The following SUGCT variants were observed in gnomAD, a reference collection of about 807,000 sequenced individuals.
SUGCT encodes the protein succinyl-CoA:glutarate-CoA transferase.
SUGCT carries 41 observed loss-of-function variants against 55.0 expected under a neutral mutation model. That is an observed-to-expected ratio of 0.74 (90% CI 0.58 to 0.97). SUGCT has a LOEUF of 0.97. Ranked by LOEUF, SUGCT falls within the 50% of genes least tolerant of loss-of-function variation. SUGCT has a pLI of 0.00. For synonymous variants in SUGCT, 187 were observed against 200.4 expected (o/e 0.93, Z 0.56); for missense variants, 568 against 547.8 (o/e 1.04, Z -0.37).
intron 12 of SUGCT, among the ~76,000 whole-genome samples, chr7:40,605,730 T>C (rs1396101903): frequency 1.3e-5 from 2 of 152,024 alleles, no homozygotes; most frequent in Non-Finnish European, 2.9e-5. Context: ...TATGAAGGGG[T>C]AGGAGTTAGG....
intron 1 of SUGCT, among the ~76,000 whole-genome samples, chr7:40,164,338 C>T (rs1021237587): frequency 2.0e-5 from 3 of 152,124 alleles, no homozygotes; most frequent in African/African-American, 7.2e-5. Context: ...CCATATTGGC[C>T]AAGCTGGTCT....
At chr7:40,174,409 C>T (rs528160423) in intron 1 of SUGCT, among the ~76,000 whole-genome samples, 1 of 152,174 alleles carries the variant, frequency 6.6e-6, no homozygotes, top group East Asian at 1.9e-4. Context: ...ACAAGCATGC[C>T]ACCACACCTG....
chr7:40,854,484 CTCTT>C lies in SUGCT; in HGVS notation c.1154-5815_1154-5812del, dbSNP rs150153135. Among the ~76,000 whole-genome samples, 984 of 104,638 alleles carry C rather than the reference CTCTT, an allele frequency of 9.4e-3. 7 individuals carry two copies. The highest frequency in any genetic ancestry group is 0.035 in the African/African-American group (908 of 26,268). 68.6% of individuals were successfully genotyped at this position (104,638 alleles called of 152,430 possible). On this transcript the variant is annotated intron_variant, in intron 13 of 13. Coordinates refer to ENST00000335693, the MANE Select transcript of SUGCT (RefSeq NM_001193313.2). ...TCTTTCTTTCTTTCTTTCTCTTTCT[CTCTT>C]TCTTTCTTTCTTTCTTGTCCATTGG...
intron 13 of SUGCT, among the ~76,000 whole-genome samples, chr7:40,832,103 C>G (rs1379065824): frequency 6.6e-6 from 1 of 152,116 alleles, no homozygotes; most frequent in African/African-American, 2.4e-5. Flanking sequence ...AGGGGCCGTG[C>G]ATGCAAATGT....
chr7:40,935,322 T>C, the SUGCT span, among the ~76,000 whole-genome samples: 2 of 151,644 alleles, frequency 1.3e-5, no homozygotes, highest in Non-Finnish European at 2.9e-5. Flanking sequence ...TACAAAGTTG[T>C]GCAACCATCA....
At chr7:40,520,949 C>T (rs1291765100) in intron 12 of SUGCT, among the ~76,000 whole-genome samples, 3 of 152,024 alleles carry the variant, frequency 2.0e-5, no homozygotes, top group African/African-American at 4.8e-5. Context: ...AATAATATTT[C>T]AACTCAAAAC....
chr7:40,309,698 C>G (rs867776672), intron 8 of SUGCT, among the ~76,000 whole-genome samples: 10 of 151,934 alleles, frequency 6.6e-5, no homozygotes, highest in Non-Finnish European at 1.2e-4. Flanking sequence ...TTATGCTTTC[C>G]TATAAGACTG....
At chr7:40,677,485 A>G (rs1784057139) in intron 12 of SUGCT, among the ~76,000 whole-genome samples, 1 of 152,184 alleles carries the variant, frequency 6.6e-6, no homozygotes, top group Admixed American at 6.5e-5. Context: ...TGCATGTCAC[A>G]TCCCTGCTGT....
the SUGCT span, among the ~76,000 whole-genome samples, chr7:40,883,669 T>C: frequency 6.6e-6 from 1 of 152,224 alleles, no homozygotes; most frequent in East Asian, 1.9e-4. Context: ...TAGTGTTAAA[T>C]TGGCCTTCTA....
chr7:40,884,935 G>A, the SUGCT span, among the ~76,000 whole-genome samples: 1 of 152,094 alleles, frequency 6.6e-6, no homozygotes, highest in Non-Finnish European at 1.5e-5. Flanking sequence ...ATGTACTTGG[G>A]TAAGAGCTCT....
At chr7:40,423,246 C>A (rs1787408231) in intron 9 of SUGCT, among the ~76,000 whole-genome samples, 1 of 152,088 alleles carries the variant, frequency 6.6e-6, no homozygotes. Context: ...TAGGAACCCA[C>A]CCTTTTAGGA....
intron 12 of SUGCT, among the ~76,000 whole-genome samples, chr7:40,686,295 A>G (rs1231963001): frequency 6.6e-6 from 1 of 152,212 alleles, no homozygotes; most frequent in Non-Finnish European, 1.5e-5. Flanking sequence ...ACCTTGAGCA[A>G]GTTACTTGAC....
At chr7:40,832,458 T>C (rs944373425) in intron 13 of SUGCT, among the ~76,000 whole-genome samples, 10 of 152,138 alleles carry the variant, frequency 6.6e-5, no homozygotes, top group Admixed American at 4.6e-4. Context: ...TTATATTTTT[T>C]AGTGTTCTGC....
At chr7:40,229,619 C>T (rs1475700282) in intron 6 of SUGCT, among the ~76,000 whole-genome samples, 1 of 151,720 alleles carries the variant, frequency 6.6e-6, no homozygotes, top group African/African-American at 2.4e-5. Flanking sequence ...TCAAGACCAT[C>T]CTGGCCAACA....
the SUGCT span, among the ~76,000 whole-genome samples, chr7:40,914,598 A>G: frequency 6.6e-6 from 1 of 152,204 alleles, no homozygotes; most frequent in Admixed American, 6.5e-5. Flanking sequence ...TAGATCTTAA[A>G]ATATGAAAAC....
chr7:40,578,855 T>G (rs1289877707), intron 12 of SUGCT, among the ~76,000 whole-genome samples: 1 of 152,190 alleles, frequency 6.6e-6, no homozygotes, highest in Admixed American at 6.5e-5. Flanking sequence ...ATTTTCTTTT[T>G]CATTTAATTC....
At chr7:40,613,022 A>C (rs1798834869) in intron 12 of SUGCT, among the ~76,000 whole-genome samples, 1 of 152,278 alleles carries the variant, frequency 6.6e-6, no homozygotes, top group South Asian at 2.1e-4. Context: ...AATCCCAGTT[A>C]CTAGGGAGAC....
At chr7:40,396,200 G>C (rs920960955) in intron 9 of SUGCT, among the ~76,000 whole-genome samples, 1 of 152,154 alleles carries the variant, frequency 6.6e-6, no homozygotes, top group Non-Finnish European at 1.5e-5. Context: ...AGATAAATTG[G>C]AAGAAAGTGG....
chr7:40,149,394 G>A (rs1479163777), intron 1 of SUGCT, among the ~76,000 whole-genome samples: 1 of 152,198 alleles, frequency 6.6e-6, no homozygotes, highest in Non-Finnish European at 1.5e-5. Context: ...ATAGTTCATA[G>A]TTTAAACAAA....
Sources: allele counts gnomAD v4.1 joint callset (sites outside exome capture counted in the v4.1 genomes callset), GRCh38; gene constraint gnomAD v4.1.1; transcripts MANE v1.5; gene names NCBI Gene and HGNC (gene_info 2026-07-23, HGNC 2026-07-21).